Variants in SNX9 observed in about 807,000 individuals in gnomAD.
SNX9 encodes sorting nexin 9.
In SNX9, 44 loss-of-function variants were observed where a neutral mutation model predicts 89.4. The ratio of observed to expected loss-of-function variants is 0.49; its 90% confidence interval spans 0.39 to 0.63. The LOEUF is 0.63. Ranked by LOEUF, SNX9 falls within the 30% of genes least tolerant of loss-of-function variation. SNX9 has a pLI of 0.00. For missense variants in SNX9, 578 were observed against 736.1 expected (o/e 0.79, Z 2.49); for synonymous variants, 236 against 247.8 (o/e 0.95, Z 0.45).
At chr6:157,873,226 C>A in intron 3 of SNX9, 50 bp downstream of exon 3, 1 of 1,433,948 alleles carries the variant, frequency 7.0e-7, no homozygotes, top group South Asian at 1.5e-5. Flanking sequence ...TGCCAGGCAT[C>A]TTTTTATGAA....
intron 11 of SNX9, among the ~76,000 whole-genome samples, chr6:157,928,218 C>T (rs9347773): frequency 0.25 from 38,657 of 151,942 alleles, 5,383 homozygotes; most frequent in African/African-American, 0.37. Flanking sequence ...TTATTGTCTC[C>T]GTTTCATGGA....
intron 1 of SNX9, among the ~76,000 whole-genome samples, chr6:157,847,013 A>C (rs1477276072): frequency 6.6e-6 from 1 of 152,212 alleles, no homozygotes. Flanking sequence ...ACTACACACC[A>C]GCCTGGGCAA....
chr6:157,876,081 T>TTA (rs1562601929), intron 4 of SNX9, among the ~76,000 whole-genome samples: 1 of 152,176 alleles, frequency 6.6e-6, no homozygotes, highest in African/African-American at 2.4e-5. Flanking sequence ...ATTTTTTTTT[T>TTA]AACTACATAA....
At chr6:157,858,091 G>A (rs2115126828) in intron 1 of SNX9, among the ~76,000 whole-genome samples, 1 of 152,144 alleles carries the variant, frequency 6.6e-6, no homozygotes, top group East Asian at 1.9e-4. Flanking sequence ...ACCCAGCCAG[G>A]TTCAGTGGTA....
At position 157,906,110 on chromosome 6, in the gene SNX9, A is replaced by G; in HGVS notation, c.621-18A>G. 1 of 1,604,036 alleles carries G rather than the reference A, an allele frequency of 6.2e-7. No individual in the cohort carries two copies. The highest frequency in any genetic ancestry group is 8.5e-7 in the Non-Finnish European group (1 of 1,174,170). On this transcript the variant is annotated intron_variant, in intron 6 of 17. Coordinates refer to ENST00000392185, the MANE Select transcript of SNX9 (RefSeq NM_016224.5). The stretch of plus-strand genomic sequence containing the variant: ...AAGGAAAGTCTTAAGACTGATGAAC[A>G]TTTATATTCATGATTAGATTTCCTG...
At chr6:157,891,465 T>A (rs1473876691) in intron 4 of SNX9, among the ~76,000 whole-genome samples, 2 of 152,244 alleles carry the variant, frequency 1.3e-5, no homozygotes, top group Non-Finnish European at 2.9e-5. Flanking sequence ...AGTCTTAGTA[T>A]ACATAAGGCA....
chr6:157,863,333 AGT>A (rs1487193063), intron 1 of SNX9, among the ~76,000 whole-genome samples: 2 of 152,222 alleles, frequency 1.3e-5, no homozygotes, highest in Non-Finnish European at 2.9e-5. Flanking sequence ...TTGGTATTCT[AGT>A]GTCTGGAGCA....
At chr6:157,907,407 G>A (rs959215070) in intron 7 of SNX9, among the ~76,000 whole-genome samples, 9 of 152,076 alleles carry the variant, frequency 5.9e-5, no homozygotes, top group East Asian at 1.9e-4. Context: ...TCAGCCTCCC[G>A]AGTAGCTGGG....
At chr6:157,844,625 ACT>A (rs1302727444) in intron 1 of SNX9, among the ~76,000 whole-genome samples, 1 of 124,050 alleles carries the variant, frequency 8.1e-6, no homozygotes, top group Non-Finnish European at 1.7e-5. Context: ...ACAGAGTCTC[ACT>A]CTGTTGCCCA....
intron 5 of SNX9, among the ~76,000 whole-genome samples, chr6:157,898,888 G>C (rs544823614): frequency 1.3e-5 from 2 of 152,216 alleles, no homozygotes; most frequent in Non-Finnish European, 2.9e-5. Context: ...AGGGGTGTGG[G>C]CTGGGTAGAA....
intron 9 of SNX9, among the ~76,000 whole-genome samples, chr6:157,913,807 A>G (rs561064915): frequency 5.5e-4 from 84 of 152,294 alleles, no homozygotes; most frequent in African/African-American, 1.9e-3. Context: ...TTGCAATTCA[A>G]TCATTTTGTT....
At chr6:157,897,077 C>T in intron 5 of SNX9, 79 bp downstream of exon 5, 1 of 1,368,012 alleles carries the variant, frequency 7.3e-7, no homozygotes, top group South Asian at 1.5e-5. Flanking sequence ...ACTGTTTTTG[C>T]TGTTCCCACA....
chr6:157,875,185 C>T lies in SNX9; in HGVS notation c.300+9C>T, dbSNP rs778020138. On this transcript the variant is annotated intron_variant, in intron 4 of 17. Transcript: ENST00000392185. ...CCAGCAACAATCACCAGGTACGTCT[C>T]ACTTCCTCCTTCTGGATGTGGCTGG... 2.5e-6 allele frequency: 4 copies of T among 1,603,858 alleles called. No individual in the cohort carries two copies. In the Admixed American group the frequency reaches 6.8e-5, roughly 27 times the overall value.
At chr6:157,928,924 G>A (rs777536054) in intron 12 of SNX9, among the ~76,000 whole-genome samples, 6 of 152,082 alleles carry the variant, frequency 3.9e-5, no homozygotes, top group Non-Finnish European at 8.8e-5. Context: ...GGAACACCAC[G>A]TTCACTTAAT....
intron 1 of SNX9, among the ~76,000 whole-genome samples, chr6:157,836,652 G>A (rs1236816066): frequency 1.3e-5 from 2 of 150,956 alleles, no homozygotes; most frequent in African/African-American, 2.4e-5. Context: ...GTGCAGTGGC[G>A]CGATCTCAGC....
At chr6:157,891,668 C>T (rs990346032) in intron 4 of SNX9, among the ~76,000 whole-genome samples, 1 of 152,226 alleles carries the variant, frequency 6.6e-6, no homozygotes, top group African/African-American at 2.4e-5. Context: ...CCGTGATTCA[C>T]TGGTGGGACT....
chr6:157,843,552 G>A (rs1781743653), intron 1 of SNX9, among the ~76,000 whole-genome samples: 2 of 152,174 alleles, frequency 1.3e-5, no homozygotes, highest in African/African-American at 4.8e-5. Flanking sequence ...GAAAAGGAGG[G>A]TGGAGTGGCA....
At chr6:157,873,522 A>T (rs1049804935) in intron 3 of SNX9, among the ~76,000 whole-genome samples, 6 of 144,082 alleles carry the variant, frequency 4.2e-5, no homozygotes, top group African/African-American at 1.6e-4. Flanking sequence ...AAGATATATG[A>T]AATTATATCT....
At chr6:157,827,479 TA>T in intron 1 of SNX9, among the ~76,000 whole-genome samples, 2 of 27,376 alleles carry the variant, frequency 7.3e-5, no homozygotes, top group Non-Finnish European at 1.0e-4. Flanking sequence ...ATAGTTTATA[TA>T]ATATATAAAC....
Sources: gnomAD v4.1 joint callset for allele counts (sites outside exome capture counted in the v4.1 genomes callset) on GRCh38, gnomAD v4.1.1 for gene constraint, MANE v1.5 for transcripts, NCBI Gene and HGNC (gene_info 2026-07-23, HGNC 2026-07-21) for gene names.